The following OLA1 variants were observed in gnomAD, a reference collection of about 807,000 sequenced individuals.
OLA1 encodes the protein obg-like ATPase 1.
OLA1 carries 14 observed loss-of-function variants against 48.4 expected under a neutral mutation model. That is an observed-to-expected ratio of 0.29 (90% CI 0.19 to 0.45). The LOEUF is 0.45. OLA1 is among the 20% of genes least tolerant of loss of function. The pLI, the probability that OLA1 is intolerant of heterozygous loss-of-function variation, is 1.00. For synonymous variants in OLA1, 127 were observed against 150.4 expected (o/e 0.84, Z 1.14); for missense variants, 325 against 467.1 (o/e 0.70, Z 2.80).
chr2:174,203,497 T>C (rs1688036201), intron 4 of OLA1, among the ~76,000 whole-genome samples: 1 of 149,792 alleles, frequency 6.7e-6, no homozygotes, highest in African/African-American at 2.5e-5. Context: ...GATGGGGTCT[T>C]GCTTTATTAC....
At chr2:174,110,302 ATTTTTTTTTTTT>A (rs575026912) in intron 7 of OLA1, among the ~76,000 whole-genome samples, 1 of 113,888 alleles carries the variant, frequency 8.8e-6, no homozygotes, top group African/African-American at 3.4e-5. Context: ...CCATGCTTGG[ATTTTTTTTTTTT>A]TTTTTTTTTG....
At position 174,144,930 on chromosome 2, in the gene OLA1, T is replaced by TTAAAA. The variant is rs1419953706; in HGVS notation, c.374-2931_374-2930insTTTTA. ...CTGGGCGACAGAGTAAGACCCTGTT[T>TTAAAA]AAAAAAAAAAAAAAAAAAAAAATAT... On this transcript the variant is annotated intron_variant, in intron 4 of 10. Transcript: ENST00000284719. Among the ~76,000 whole-genome samples the TTAAAA allele has an allele frequency of 2.3e-3, 96 of 41,066 alleles. 4 individuals are homozygous for TTAAAA. Among genetic ancestry groups the TTAAAA allele is most frequent in the African/African-American group, 0.01 (93 of 9,246 alleles). 26.9% of individuals were successfully genotyped at this position (41,066 alleles called of 152,430 possible).
intron 7 of OLA1, among the ~76,000 whole-genome samples, chr2:174,108,238 C>G (rs984854207): frequency 5.3e-5 from 8 of 151,886 alleles, no homozygotes; most frequent in Non-Finnish European, 1.0e-4. Flanking sequence ...TCCAATGTTG[C>G]TAGGGAAGAA....
intron 4 of OLA1, among the ~76,000 whole-genome samples, chr2:174,188,488 G>A (rs1687704740): frequency 6.6e-6 from 1 of 152,134 alleles, no homozygotes; most frequent in Non-Finnish European, 1.5e-5. Context: ...TCTAACAGCT[G>A]ACACGGGTAT....
intron 4 of OLA1, among the ~76,000 whole-genome samples, chr2:174,171,412 G>C (rs1687299473): frequency 6.6e-6 from 1 of 152,226 alleles, no homozygotes; most frequent in East Asian, 1.9e-4. Flanking sequence ...AAATCACACA[G>C]AGGATGATCC....
chr2:174,113,605 G>A (rs1359907677), intron 7 of OLA1, among the ~76,000 whole-genome samples: 3 of 152,126 alleles, frequency 2.0e-5, no homozygotes, highest in African/African-American at 7.2e-5. Context: ...ACCCACAAAT[G>A]TTGTCTTGAG....
chr2:174,171,954 G>A (rs1397793194), intron 4 of OLA1: 4 of 153,870 alleles, frequency 2.6e-5, no homozygotes, highest in East Asian at 3.8e-4. Context: ...CACAGGGAGC[G>A]GGGCCCCGGC....
At chr2:174,148,567 T>C (rs1686669642) in intron 4 of OLA1, among the ~76,000 whole-genome samples, 1 of 152,214 alleles carries the variant, frequency 6.6e-6, no homozygotes, top group African/African-American at 2.4e-5. Context: ...CAGAGATTTC[T>C]TACCCAGCAA....
At chr2:174,084,993 G>A (rs1456583067) in intron 7 of OLA1, among the ~76,000 whole-genome samples, 1 of 152,188 alleles carries the variant, frequency 6.6e-6, no homozygotes, top group Non-Finnish European at 1.5e-5. Flanking sequence ...GCCTTTCATA[G>A]ACTTCATTTT....
At chr2:174,205,832 C>T (rs1688100873) in intron 4 of OLA1, among the ~76,000 whole-genome samples, 1 of 152,188 alleles carries the variant, frequency 6.6e-6, no homozygotes, top group South Asian at 2.1e-4. Flanking sequence ...TGAGGGGAAG[C>T]CCTGACATCG....
rs1558940900 is a variant in OLA1 at position 174,074,506 on chromosome 2, A to T, written c.*920T>A. The stretch of plus-strand genomic sequence containing the variant: ...AAGTAAGAATGAAAGAATTTTTAAA[A>T]TTTTCAAAGTCTGATCTTAGTATTT... On this transcript the variant is annotated 3_prime_UTR_variant, in exon 11 of 11. Transcript: ENST00000284719. 1 of 152,184 alleles carries T rather than the reference A, an allele frequency of 6.6e-6. No homozygotes were observed. The highest frequency in any genetic ancestry group is 1.5e-5 in the Non-Finnish European group (1 of 68,028). 9.4% of individuals were successfully genotyped at this position (152,184 alleles called of 1,614,324 possible).
chr2:174,194,578 A>G (rs986285065), intron 4 of OLA1, among the ~76,000 whole-genome samples: 3 of 152,234 alleles, frequency 2.0e-5, no homozygotes, highest in African/African-American at 7.2e-5. Flanking sequence ...TAAAATAAAA[A>G]TATTTCCCGA....
chr2:174,221,279 G>A (rs1302222579), intron 4 of OLA1, among the ~76,000 whole-genome samples: 1 of 151,938 alleles, frequency 6.6e-6, no homozygotes, highest in Non-Finnish European at 1.5e-5. Context: ...CCCCCCACAA[G>A]GGTTAGAAAA....
chr2:174,234,316 T>C (rs1269116084), intron 2 of OLA1, among the ~76,000 whole-genome samples: 3 of 152,218 alleles, frequency 2.0e-5, no homozygotes. Context: ...ATCAACTGTT[T>C]ATGTTATTGG....
At chr2:174,113,393 T>C (rs1466398991) in intron 7 of OLA1, among the ~76,000 whole-genome samples, 4 of 152,230 alleles carry the variant, frequency 2.6e-5, no homozygotes, top group Non-Finnish European at 4.4e-5. Context: ...GGCAATTTCA[T>C]ATAATTTTTA....
At chr2:174,089,668 G>A (rs1356079487) in intron 7 of OLA1, among the ~76,000 whole-genome samples, 3 of 152,032 alleles carry the variant, frequency 2.0e-5, no homozygotes, top group Non-Finnish European at 4.4e-5. Flanking sequence ...TTGGGAGGCC[G>A]AGGCGGGGGG....
chr2:174,173,295 T>G (rs9646789), intron 4 of OLA1, among the ~76,000 whole-genome samples: 82,112 of 151,932 alleles, frequency 0.54, 22,825 homozygotes, highest in East Asian at 0.95. Flanking sequence ...AATAAGAAAT[T>G]AACAAAATAT....
At chr2:174,145,726 C>T (rs948701807) in intron 4 of OLA1, among the ~76,000 whole-genome samples, 3 of 151,940 alleles carry the variant, frequency 2.0e-5, no homozygotes, top group Non-Finnish European at 4.4e-5. Flanking sequence ...GACAAAGTTC[C>T]CTGTTTAAAT....
At chr2:174,239,482 C>T (rs1170692542) in intron 2 of OLA1, among the ~76,000 whole-genome samples, 1 of 151,976 alleles carries the variant, frequency 6.6e-6, no homozygotes, top group Non-Finnish European at 1.5e-5. Flanking sequence ...CAAATGAGAG[C>T]TGTACATAAT....
Sources: allele counts gnomAD v4.1 joint callset (sites outside exome capture counted in the v4.1 genomes callset), GRCh38; gene constraint gnomAD v4.1.1; transcripts MANE v1.5; gene names NCBI Gene and HGNC (gene_info 2026-07-23, HGNC 2026-07-21).